EYA3: variants seen among roughly 807,000 people sequenced by gnomAD.
EYA3 encodes EYA transcriptional coactivator and phosphatase 3, also known as protein phosphatase EYA3.
Under a neutral mutation model 80.0 loss-of-function variants are expected in EYA3, and 39 were observed. The ratio of observed to expected loss-of-function variants is 0.49; its 90% CI spans 0.38 to 0.64. EYA3 has a LOEUF of 0.64. EYA3 is among the 30% of genes least tolerant of loss of function. EYA3 has a pLI of 0.00. For synonymous variants in EYA3, 206 were observed against 232.8 expected (o/e 0.88, Z 1.05); for missense variants, 523 against 676.1 (o/e 0.77, Z 2.51).
chr1:28,036,441 G>A (rs1643458779), intron 5 of EYA3, among the ~76,000 whole-genome samples: 1 of 152,188 alleles, frequency 6.6e-6, no homozygotes, highest in Non-Finnish European at 1.5e-5. Flanking sequence ...AAGTGAGACT[G>A]GAAAAGCGGG....
intron 1 of EYA3, among the ~76,000 whole-genome samples, chr1:28,060,673 C>T (rs575870375): frequency 1.1e-4 from 17 of 152,230 alleles, no homozygotes; most frequent in South Asian, 1.0e-3. Flanking sequence ...GTCTTCTTGG[C>T]TTTTCAATCT....
chr1:28,069,525 C>G (rs1336515244), intron 1 of EYA3, among the ~76,000 whole-genome samples: 1 of 120,740 alleles, frequency 8.3e-6, no homozygotes, highest in Admixed American at 1.0e-4. Flanking sequence ...GCCTGGACAA[C>G]ACAGCAAGAG....
At chr1:28,053,153 CAAAAAAAAAAAAAAA>C (rs34075939) in intron 2 of EYA3, among the ~76,000 whole-genome samples, 2 of 72,508 alleles carry the variant, frequency 2.8e-5, no homozygotes, top group Admixed American at 1.9e-4. Context: ...GACCCCGTCT[CAAAAAAAAAAAAAAA>C]AAAAAAAAAA....
intron 1 of EYA3, among the ~76,000 whole-genome samples, chr1:28,085,434 G>T (rs939319149): frequency 6.6e-6 from 1 of 152,096 alleles, no homozygotes; most frequent in African/African-American, 2.4e-5. Context: ...GGCCAACAGA[G>T]CAAGGTTTTG....
chr1:27,981,251 G>A (rs1179305872), intron 16 of EYA3, among the ~76,000 whole-genome samples: 1 of 152,182 alleles, frequency 6.6e-6, no homozygotes, highest in Non-Finnish European at 1.5e-5. Context: ...GGTTACCATA[G>A]CACCAGATCC....
intron 1 of EYA3, among the ~76,000 whole-genome samples, chr1:28,075,478 G>C (rs1304748203): frequency 6.6e-6 from 1 of 152,146 alleles, no homozygotes; most frequent in Non-Finnish European, 1.5e-5. Context: ...GGTTTTTCAA[G>C]GAACTACTAG....
intron 17 of EYA3, chr1:27,977,372 G>A: frequency 6.4e-7 from 1 of 1,550,416 alleles, no homozygotes; most frequent in Non-Finnish European, 8.7e-7. Flanking sequence ...ATGCCTCCAT[G>A]TCTAAGAAAT....
At chr1:28,041,480 G>C (rs1268214532) in intron 4 of EYA3, among the ~76,000 whole-genome samples, 1 of 152,116 alleles carries the variant, frequency 6.6e-6, no homozygotes, top group Non-Finnish European at 1.5e-5. Flanking sequence ...TTGAACCCGG[G>C]AGGCGGAGGT....
intron 16 of EYA3, among the ~76,000 whole-genome samples, chr1:27,980,115 CAT>C (rs916012794): frequency 2.0e-5 from 3 of 152,202 alleles, no homozygotes; most frequent in African/African-American, 4.8e-5. Context: ...GCCTTACATT[CAT>C]ATGAGGGATT....
In EYA3 at chr1:27,990,020, G is replaced by A. The variant is rs190886194; in HGVS notation, c.1304-209C>T. On this transcript the variant is annotated intron_variant, in intron 14 of 17. Coordinates refer to ENST00000373871, the MANE Select transcript of EYA3 (RefSeq NM_001990.4). ...CATTGTAGACAGGTGAATATAAACT[G>A]CTGTATATAGGGGTGGGGTCAAAAG... 7.0e-5 allele frequency: 18 copies of A among 258,186 alleles called. 1 individual carries two copies. In the East Asian group the frequency reaches 1.5e-3, roughly 21 times the overall value. The allele number at this position is 258,186 out of a possible 1,614,324, so 16.0% of individuals were successfully genotyped here.
intron 13 of EYA3, among the ~76,000 whole-genome samples, chr1:27,995,495 G>A (rs1640388000): frequency 6.6e-6 from 1 of 150,952 alleles, no homozygotes; most frequent in African/African-American, 2.4e-5. Flanking sequence ...CCAGCACTTT[G>A]AGGGGCTGAG....
At chr1:28,052,327 C>CTA (rs1442428784) in intron 2 of EYA3, among the ~76,000 whole-genome samples, 2 of 152,112 alleles carry the variant, frequency 1.3e-5, no homozygotes, top group African/African-American at 4.8e-5. Context: ...TCAAAACTTA[C>CTA]TATAAAGCTA....
intron 1 of EYA3, among the ~76,000 whole-genome samples, chr1:28,087,360 A>G (rs960316339): frequency 3.3e-5 from 5 of 152,218 alleles, no homozygotes; most frequent in Non-Finnish European, 5.9e-5. Flanking sequence ...AAAAAATACA[A>G]AAGTTAGAAG....
intron 16 of EYA3, among the ~76,000 whole-genome samples, chr1:27,981,236 A>G (rs1260137646): frequency 6.6e-6 from 1 of 152,206 alleles, no homozygotes; most frequent in Non-Finnish European, 1.5e-5. Flanking sequence ...CAAGCCTCCT[A>G]CTGTGGTTAC....
intron 16 of EYA3, among the ~76,000 whole-genome samples, chr1:27,987,853 A>G (rs1456358620): frequency 6.6e-6 from 1 of 151,972 alleles, no homozygotes; most frequent in Non-Finnish European, 1.5e-5. Flanking sequence ...TACCCAGCTA[A>G]TTTTTTGGTC....
rs56302332 is a variant in EYA3 at position 27,971,577 on chromosome 1, G to A, written c.*2889C>T. ...CCACTGTACTCCAGCCTGGGTGACA[G>A]AGCGAGACTCCATCTCAACAACAAC... On this transcript the variant is annotated 3_prime_UTR_variant, in exon 18 of 18. Transcript: ENST00000373871. 2.2e-5 allele frequency: 3 copies of A among 133,886 alleles called. No homozygotes were observed. Among genetic ancestry groups the A allele is most frequent in the Non-Finnish European group, 4.6e-5 (3 of 65,372 alleles). The allele number at this position is 133,886 out of a possible 1,614,324, so 8.3% of individuals were successfully genotyped here.
chr1:28,032,965 C>T (rs1192516041), intron 6 of EYA3, among the ~76,000 whole-genome samples: 1 of 152,104 alleles, frequency 6.6e-6, no homozygotes, highest in Non-Finnish European at 1.5e-5. Flanking sequence ...TCTGCTTCTC[C>T]CCTATAAAAA....
chr1:27,988,761 TA>T, intron 15 of EYA3, 105 bp from the exon 16 acceptor site: 1 of 1,315,768 alleles, frequency 7.6e-7, no homozygotes, highest in South Asian at 1.3e-5. Flanking sequence ...AAATTAACTT[TA>T]AAGGACCTGG....
chr1:27,993,662 T>A, intron 13 of EYA3, 102 bp from the exon 14 acceptor site: 1 of 939,380 alleles, frequency 1.1e-6, no homozygotes, highest in Non-Finnish European at 1.5e-6. Flanking sequence ...ATAAGGCCAA[T>A]GGCTTTAAGG....
Sources: allele counts gnomAD v4.1 joint callset (sites outside exome capture counted in the v4.1 genomes callset), GRCh38; gene constraint gnomAD v4.1.1; transcripts MANE v1.5; gene names NCBI Gene and HGNC (gene_info 2026-07-23, HGNC 2026-07-21).